Variants in ARID2 observed in about 807,000 individuals in gnomAD.
ARID2 encodes the protein AT-rich interactive domain-containing protein 2.
Under a neutral mutation model 184.6 loss-of-function variants are expected in ARID2, and 32 were observed. That is an observed-to-expected ratio of 0.17 (90% CI 0.13 to 0.23). ARID2 has a LOEUF of 0.23. Among genes scored for constraint, ARID2 ranks in the 10% least tolerant of loss-of-function variants. ARID2 has a pLI of 1.00. For synonymous variants in ARID2, 836 were observed against 772.6 expected, an observed-to-expected ratio of 1.08 and a Z score of -1.36; for missense variants, 1,696 against 2,197.6, an observed-to-expected ratio of 0.77 and a Z score of 4.56.
At chr12:45,749,024 A>G (rs952414838) in intron 3 of ARID2, among the ~76,000 whole-genome samples, 37 of 152,342 alleles carry the variant, frequency 2.4e-4, no homozygotes, top group African/African-American at 8.9e-4. Context: ...TTAACCTCCT[A>G]TGAATCACAG....
rs142799319 is a variant in ARID2 at position 45,755,632 on chromosome 12, T to C, written c.284+24318T>C. ...GTAGGTCCACCATTGTTCATAATCA[T>C]GTAAAATTTTAGATTACATGTAGCT... is the stretch of plus-strand genomic sequence containing the variant. On this transcript the variant is annotated intron_variant, in intron 3 of 20. Transcript: ENST00000334344. Among the ~76,000 whole-genome samples the C allele has an allele frequency of 3.3e-5, 5 of 152,356 alleles. No individual in the cohort carries two copies. The East Asian group carries it at 9.6e-4, about 29-fold the overall frequency.
chr12:45,885,726 C>A (rs1436766754), intron 16 of ARID2, among the ~76,000 whole-genome samples: 1 of 152,176 alleles, frequency 6.6e-6, no homozygotes, highest in African/African-American at 2.4e-5. Flanking sequence ...CAAACATGTC[C>A]TTCTTCACAT....
intron 3 of ARID2, among the ~76,000 whole-genome samples, chr12:45,757,580 T>C (rs1348531439): frequency 3.9e-5 from 6 of 152,138 alleles, no homozygotes; most frequent in African/African-American, 1.4e-4. Context: ...ACAGAGAGCT[T>C]GATTGAGAAA....
intron 3 of ARID2, among the ~76,000 whole-genome samples, chr12:45,759,041 ATATT>A (rs750160267): frequency 3.3e-4 from 50 of 152,248 alleles, no homozygotes; most frequent in Middle Eastern, 6.8e-3. Context: ...ATTAATATAT[ATATT>A]TATAGGGAGA....
chr12:45,800,069 C>A (rs1188238079), intron 3 of ARID2, among the ~76,000 whole-genome samples: 3 of 152,046 alleles, frequency 2.0e-5, no homozygotes, highest in African/African-American at 4.8e-5. Flanking sequence ...CAGGCAGTCT[C>A]GAACTCCTGG....
intron 20 of ARID2, among the ~76,000 whole-genome samples, chr12:45,896,236 C>G (rs984434729): frequency 6.6e-6 from 1 of 152,176 alleles, no homozygotes; most frequent in African/African-American, 2.4e-5. Context: ...ATCAGCCTTA[C>G]AAAAGTGACA....
intron 3 of ARID2, among the ~76,000 whole-genome samples, chr12:45,736,787 T>C (rs1341103969): frequency 1.3e-5 from 2 of 152,184 alleles, no homozygotes; most frequent in Non-Finnish European, 2.9e-5. Context: ...AGGCTAAACT[T>C]GGGTTACTTT....
chr12:45,758,471 T>G (rs1302426550), intron 3 of ARID2, among the ~76,000 whole-genome samples: 1 of 152,124 alleles, frequency 6.6e-6, no homozygotes, highest in African/African-American at 2.4e-5. Flanking sequence ...CAGTGTGACC[T>G]AGGGAAGCCA....
intron 3 of ARID2, among the ~76,000 whole-genome samples, chr12:45,779,849 A>T: frequency 6.6e-6 from 1 of 152,096 alleles, no homozygotes; most frequent in Non-Finnish European, 1.5e-5. Context: ...CATTTATCAA[A>T]TTTTAGGAAT....
At chr12:45,745,747 G>A (rs1329913261) in intron 3 of ARID2, among the ~76,000 whole-genome samples, 2 of 151,978 alleles carry the variant, frequency 1.3e-5, no homozygotes, top group Non-Finnish European at 2.9e-5. Context: ...ACAGGGTTTC[G>A]TCATTTGGCC....
chr12:45,858,863 T>A (rs1943697096), intron 15 of ARID2, among the ~76,000 whole-genome samples: 1 of 152,212 alleles, frequency 6.6e-6, no homozygotes, highest in Admixed American at 6.5e-5. Flanking sequence ...TATGTTTTCT[T>A]ATTGTAAAAT....
chr12:45,773,894 C>A (rs1254903869), intron 3 of ARID2, among the ~76,000 whole-genome samples: 1 of 152,120 alleles, frequency 6.6e-6, no homozygotes, highest in Non-Finnish European at 1.5e-5. Flanking sequence ...CTTCTTACAG[C>A]AGTTGGTGTG....
At chr12:45,745,280 A>G (rs1317480897) in intron 3 of ARID2, among the ~76,000 whole-genome samples, 2 of 152,178 alleles carry the variant, frequency 1.3e-5, no homozygotes, top group Non-Finnish European at 2.9e-5. Flanking sequence ...ATTGATTTGT[A>G]GTATCGTCAG....
rs934729661 is a variant in ARID2, at chr12:45,836,793, G to T, written c.825G>T (p.Lys275Asn). 1 of 1,613,958 alleles carries T rather than the reference G, an allele frequency of 6.2e-7. No individual in the cohort carries two copies. The highest frequency in any genetic ancestry group is 1.3e-5 in the African/African-American group (1 of 74,908). ...IWESLFHPPRKLGINDIEGQR... is the reference protein window; with the variant it reads ...IWESLFHPPRNLGINDIEGQR... Reference sequence around the variant, plus strand: ...AGTCTTTATTTCATCCACCTCGAAAGCTGGGCATTAACGATATTGAAGGAC... The same window carrying T: ...AGTCTTTATTTCATCCACCTCGAAATCTGGGCATTAACGATATTGAAGGAC... The change falls in exon 8 of 21, where the codon AAG (lysine) becomes AAT (asparagine). Residue 275 changes from lysine to asparagine, a missense_variant. Transcript: ENST00000334344.
At chr12:45,900,871 C>T (rs1944447815) in intron 20 of ARID2, among the ~76,000 whole-genome samples, 1 of 152,058 alleles carries the variant, frequency 6.6e-6, no homozygotes, top group African/African-American at 2.4e-5. Context: ...AGACTAGTGA[C>T]ATTCTGGTTC....
At chr12:45,842,964 A>C (rs1421145275) in intron 11 of ARID2, among the ~76,000 whole-genome samples, 1 of 152,078 alleles carries the variant, frequency 6.6e-6, no homozygotes, top group East Asian at 1.9e-4. Flanking sequence ...TCTAGTTTGC[A>C]TTATTAAATA....
intron 3 of ARID2, among the ~76,000 whole-genome samples, chr12:45,803,230 C>G (rs886399569): frequency 6.6e-6 from 1 of 152,132 alleles, no homozygotes; most frequent in Non-Finnish European, 1.5e-5. Context: ...AACATCTGTA[C>G]TTGAATTCAG....
chr12:45,801,922 A>C (rs893032278), intron 3 of ARID2, among the ~76,000 whole-genome samples: 6 of 152,188 alleles, frequency 3.9e-5, no homozygotes, highest in African/African-American at 1.4e-4. Flanking sequence ...TGTAACTTTA[A>C]AGTATGAATC....
intron 16 of ARID2, among the ~76,000 whole-genome samples, chr12:45,865,047 G>C (rs1383909039): frequency 6.6e-6 from 1 of 152,066 alleles, no homozygotes; most frequent in Non-Finnish European, 1.5e-5. Flanking sequence ...ATCCTTCTTG[G>C]TATACAAATT....
Sources: allele counts gnomAD v4.1 joint callset (sites outside exome capture counted in the v4.1 genomes callset), GRCh38; gene constraint gnomAD v4.1.1; transcripts MANE v1.5; gene names NCBI Gene and HGNC (gene_info 2026-07-23, HGNC 2026-07-21).